CTNND2: variants seen among roughly 807,000 people sequenced by gnomAD.
CTNND2 encodes catenin delta 2, also known as catenin delta-2.
Under a neutral mutation model 144.4 loss-of-function variants are expected in CTNND2, and 22 were observed. The observed-to-expected ratio is 0.15, with a 90% CI of 0.11 to 0.22. The LOEUF is 0.22. Ranked by LOEUF, CTNND2 falls within the 10% of genes least tolerant of loss-of-function variation. The probability of loss-of-function intolerance (pLI) is 1.00; values close to 1 mark genes in which losing one functional copy is unlikely to be tolerated. For missense variants in CTNND2, 1,353 were observed against 1,618.8 expected, an observed-to-expected ratio of 0.84 and a Z score of 2.82; for synonymous variants, 751 against 695.6, an observed-to-expected ratio of 1.08 and a Z score of -1.25.
intron 3 of CTNND2, among the ~76,000 whole-genome samples, chr5:11,455,006 CTT>C (rs75755559): frequency 1.4e-5 from 2 of 141,688 alleles, no homozygotes; most frequent in Admixed American, 1.4e-4. Context: ...TAATTTAACT[CTT>C]TTTTTTTTTT....
At chr5:11,419,010 CTATATAGATGTCTATCTA>C (rs1179666285) in intron 3 of CTNND2, among the ~76,000 whole-genome samples, 2 of 143,656 alleles carry the variant, frequency 1.4e-5, no homozygotes, top group East Asian at 4.3e-4. Context: ...ATATATATAT[CTATATAGATGTCTATCTA>C]TATATAGATA....
chr5:11,401,688 G>C (rs1475198357), intron 5 of CTNND2, among the ~76,000 whole-genome samples: 1 of 152,186 alleles, frequency 6.6e-6, no homozygotes, highest in Non-Finnish European at 1.5e-5. Flanking sequence ...TCTAAGCGAG[G>C]AAGGTACAAC....
chr5:11,382,595 C>CTGTGTGTGTGTGTGTGTGTG (rs71582432), intron 7 of CTNND2, among the ~76,000 whole-genome samples: 96 of 130,214 alleles, frequency 7.4e-4, no homozygotes, highest in African/African-American at 2.6e-3. Context: ...GAGTGAGACT[C>CTGTGTGTGTGTGTGTGTGTG]TGTGTGTGTG....
At chr5:11,321,516 A>T (rs566966474) in intron 9 of CTNND2, among the ~76,000 whole-genome samples, 71 of 152,222 alleles carry the variant, frequency 4.7e-4, no homozygotes, top group Non-Finnish European at 9.4e-4. Flanking sequence ...TATTTAAGAA[A>T]GCCCTGTAAT....
intron 8 of CTNND2, among the ~76,000 whole-genome samples, chr5:11,361,266 C>T (rs751658118): frequency 2.0e-5 from 3 of 152,164 alleles, no homozygotes; most frequent in Non-Finnish European, 4.4e-5. Context: ...AGTGATCTAC[C>T]CACCTCGGCC....
At chr5:11,060,255 T>C (rs1860239) in intron 16 of CTNND2, among the ~76,000 whole-genome samples, 3,575 of 152,276 alleles carry the variant, frequency 0.023, 153 homozygotes, top group African/African-American at 0.082. Flanking sequence ...CATTATAATA[T>C]ATTCCATGGA....
intron 1 of CTNND2, among the ~76,000 whole-genome samples, chr5:11,864,241 G>C (rs1056193296): frequency 2.4e-4 from 36 of 152,162 alleles, no homozygotes; most frequent in Admixed American, 6.5e-4. Context: ...TCAGGTCCCA[G>C]AGACAAATCG....
intron 1 of CTNND2, among the ~76,000 whole-genome samples, chr5:11,746,074 T>G (rs545798664): frequency 6.6e-6 from 1 of 152,316 alleles, no homozygotes; most frequent in East Asian, 1.9e-4. Context: ...GCATGATGTA[T>G]GAGGCTGTTC....
intron 9 of CTNND2, among the ~76,000 whole-genome samples, chr5:11,237,874 G>A (rs928980238): frequency 2.6e-5 from 4 of 151,836 alleles, no homozygotes; most frequent in African/African-American, 9.7e-5. Flanking sequence ...AAATAGACAG[G>A]GGCCTACATG....
intron 2 of CTNND2, among the ~76,000 whole-genome samples, chr5:11,573,706 T>TTA (rs1057111366): frequency 2.6e-5 from 4 of 152,290 alleles, no homozygotes; most frequent in African/African-American, 9.6e-5. Flanking sequence ...TCATCCTGGG[T>TTA]TACCCAGCAA....
intron 16 of CTNND2, among the ~76,000 whole-genome samples, chr5:11,054,585 C>T (rs1420561405): frequency 6.6e-6 from 1 of 152,070 alleles, no homozygotes; most frequent in Non-Finnish European, 1.5e-5. Flanking sequence ...CCAGTCCCCA[C>T]GCTTGCCTCC....
intron 1 of CTNND2, among the ~76,000 whole-genome samples, chr5:11,840,169 A>C (rs1181040685): frequency 6.6e-6 from 1 of 152,196 alleles, no homozygotes; most frequent in Non-Finnish European, 1.5e-5. Flanking sequence ...CTATAAACAT[A>C]GAAAAACCCA....
chr5:11,353,993 C>T (rs945494319), intron 8 of CTNND2, among the ~76,000 whole-genome samples: 1 of 151,912 alleles, frequency 6.6e-6, no homozygotes. Flanking sequence ...TATTTCTTTA[C>T]CTTGAGTAAG....
chr5:11,630,324 G>T (rs1468109603), intron 2 of CTNND2, among the ~76,000 whole-genome samples: 1 of 152,166 alleles, frequency 6.6e-6, no homozygotes, highest in Non-Finnish European at 1.5e-5. Context: ...AGGGTGGACT[G>T]CAGGACACTG....
intron 1 of CTNND2, among the ~76,000 whole-genome samples, chr5:11,887,396 T>A (rs1243373361): frequency 6.6e-6 from 1 of 152,100 alleles, no homozygotes; most frequent in Non-Finnish European, 1.5e-5. Context: ...GCTATTTAAT[T>A]AGAAATCAAT....
At chr5:11,901,737 T>G (rs1422351240) in intron 1 of CTNND2, among the ~76,000 whole-genome samples, 1 of 152,146 alleles carries the variant, frequency 6.6e-6, no homozygotes, top group Non-Finnish European at 1.5e-5. Context: ...ATCCACAATA[T>G]AACATAAAAC....
At chr5:11,755,939 T>G (rs1224295818) in intron 1 of CTNND2, among the ~76,000 whole-genome samples, 1 of 151,640 alleles carries the variant, frequency 6.6e-6, no homozygotes, top group African/African-American at 2.4e-5. Flanking sequence ...TTTATGTCTG[T>G]CACTTCAATC....
At position 11,852,172 on chromosome 5, in the gene CTNND2, A is replaced by G. The variant is rs146243434; in HGVS notation, c.37+51645T>C. The stretch of plus-strand genomic sequence containing the variant: ...CACCCACTGTAGGCCATGGTATCAC[A>G]CTCAGCCCCAAGAATGCCACAGGAA... On this transcript the variant is annotated intron_variant, in intron 1 of 21. Coordinates refer to ENST00000304623, the MANE Select transcript of CTNND2 (RefSeq NM_001332.4). Among the ~76,000 whole-genome samples, 327 of 152,174 alleles carry G rather than the reference A, an allele frequency of 2.1e-3. 1 individual carries two copies. The highest frequency in any genetic ancestry group is 0.01 in the Middle Eastern group (3 of 294).
intron 5 of CTNND2, among the ~76,000 whole-genome samples, chr5:11,405,351 G>A (rs1042530337): frequency 7.9e-5 from 12 of 152,176 alleles, no homozygotes; most frequent in African/African-American, 1.9e-4. Flanking sequence ...CTGAGCTGGC[G>A]ACCTTGTTAG....
Sources: gnomAD v4.1 joint callset for allele counts (sites outside exome capture counted in the v4.1 genomes callset) on GRCh38, gnomAD v4.1.1 for gene constraint, MANE v1.5 for transcripts, NCBI Gene and HGNC (gene_info 2026-07-23, HGNC 2026-07-21) for gene names.